The following CDK5RAP2 variants were observed in gnomAD, a reference collection of about 807,000 sequenced individuals.
CDK5RAP2 encodes the protein CDK5 regulatory subunit-associated protein 2.
A neutral mutation model predicts 232.9 loss-of-function variants in CDK5RAP2; 147 were observed. The observed-to-expected ratio is 0.63, with a 90% CI of 0.55 to 0.72. The LOEUF (loss-of-function observed/expected upper bound fraction) is 0.72. CDK5RAP2 is among the 30% of genes least tolerant of loss of function. The probability of loss-of-function intolerance (pLI) is 0.00; values close to 1 mark genes in which losing one functional copy is unlikely to be tolerated. For synonymous variants in CDK5RAP2, 833 were observed against 833.7 expected (o/e 1.00, Z 0.01); for missense variants, 2,195 against 2,231.5 (o/e 0.98, Z 0.33).
intron 14 of CDK5RAP2, among the ~76,000 whole-genome samples, chr9:120,479,619 A>G (rs1404630597): frequency 1.3e-5 from 2 of 152,240 alleles, no homozygotes; most frequent in African/African-American, 4.8e-5. Flanking sequence ...AATCAGCAAG[A>G]AAACACCAGA....
intron 19 of CDK5RAP2, among the ~76,000 whole-genome samples, chr9:120,459,951 T>C (rs2036989865): frequency 1.3e-5 from 2 of 152,318 alleles, no homozygotes; most frequent in South Asian, 2.1e-4. Context: ...CTCCTACTTA[T>C]TTTATGAATT....
chr9:120,512,041 A>G (rs2040117856), intron 12 of CDK5RAP2, among the ~76,000 whole-genome samples: 1 of 152,022 alleles, frequency 6.6e-6, no homozygotes, highest in Admixed American at 6.5e-5. Flanking sequence ...CCCGGCCACA[A>G]TGTGCATTTT....
chr9:120,469,806 G>C (rs914478578), intron 17 of CDK5RAP2, among the ~76,000 whole-genome samples: 8 of 152,138 alleles, frequency 5.3e-5, no homozygotes, highest in Non-Finnish European at 1.2e-4. Context: ...ACATCGATTT[G>C]GATTAGGTAC....
chr9:120,538,409 G>C (rs1476991725), intron 6 of CDK5RAP2, among the ~76,000 whole-genome samples: 2 of 152,122 alleles, frequency 1.3e-5, no homozygotes, highest in Non-Finnish European at 2.9e-5. Context: ...AAGGAGACAG[G>C]ATTTTTTAGC....
At chr9:120,500,860 T>C (rs1430712327) in intron 12 of CDK5RAP2, among the ~76,000 whole-genome samples, 1 of 152,186 alleles carries the variant, frequency 6.6e-6, no homozygotes, top group African/African-American at 2.4e-5. Context: ...GGCCGGTGAC[T>C]GCTCAGAAAC....
chr9:120,408,029 G>A (rs1361142572), intron 31 of CDK5RAP2: 1 of 387,782 alleles, frequency 2.6e-6, no homozygotes, highest in African/African-American at 2.0e-5. Flanking sequence ...CCACACAACA[G>A]GTGCTGAGAG....
At chr9:120,446,695 C>G (rs2036211874) in intron 22 of CDK5RAP2, among the ~76,000 whole-genome samples, 1 of 152,204 alleles carries the variant, frequency 6.6e-6, no homozygotes, top group South Asian at 2.1e-4. Context: ...CTCTTCCTCA[C>G]TCCACTCCAG....
At chr9:120,519,479 A>G (rs2040522469) in intron 11 of CDK5RAP2, among the ~76,000 whole-genome samples, 1 of 152,244 alleles carries the variant, frequency 6.6e-6, no homozygotes, top group South Asian at 2.1e-4. Context: ...AGATTCGGGT[A>G]TATGAAGACA....
intron 3 of CDK5RAP2, among the ~76,000 whole-genome samples, chr9:120,567,208 T>C (rs2042679960): frequency 6.6e-6 from 1 of 152,256 alleles, no homozygotes; most frequent in African/African-American, 2.4e-5. Context: ...TAGATCGAGT[T>C]GTACAGCTGA....
At chr9:120,456,843 TATA>T (rs1279096772) in intron 20 of CDK5RAP2, among the ~76,000 whole-genome samples, 27 of 152,308 alleles carry the variant, frequency 1.8e-4, no homozygotes, top group South Asian at 1.2e-3. Flanking sequence ...AAGAGGCCAT[TATA>T]ATATACTAAA....
chr9:120,499,388 G>T lies in CDK5RAP2; in HGVS notation c.1312-7911C>A, dbSNP rs748690890. On this transcript the variant is annotated intron_variant, in intron 12 of 37. Transcript: ENST00000349780. ...TTTGAATTTTCCATAATGAGCAGGG[G>T]TTTTTTTTTTAAAGGTACTTATTAG... Among the ~76,000 whole-genome samples the T allele has an allele frequency of 1.1e-4, 16 of 148,250 alleles. No homozygotes were observed. In the East Asian group the frequency reaches 1.4e-3, roughly 13 times the overall value.
At chr9:120,516,950 T>C (rs1308904191) in intron 12 of CDK5RAP2, among the ~76,000 whole-genome samples, 1 of 152,234 alleles carries the variant, frequency 6.6e-6, no homozygotes, top group African/African-American at 2.4e-5. Flanking sequence ...CATTGTGTCA[T>C]TATTTAAATA....
intron 14 of CDK5RAP2, among the ~76,000 whole-genome samples, chr9:120,482,111 A>G (rs1422806827): frequency 6.6e-6 from 1 of 152,212 alleles, no homozygotes; most frequent in Non-Finnish European, 1.5e-5. Context: ...AGTAACTGCT[A>G]CAGTCAGAAT....
chr9:120,577,119 T>C (rs1350753531), intron 1 of CDK5RAP2, among the ~76,000 whole-genome samples: 1 of 152,086 alleles, frequency 6.6e-6, no homozygotes, highest in East Asian at 1.9e-4. Context: ...CCCAGCACTC[T>C]GGGAGGCCGA....
intron 23 of CDK5RAP2, 140 bp downstream of exon 23, chr9:120,443,480 A>G: frequency 9.8e-7 from 1 of 1,023,916 alleles, no homozygotes; most frequent in South Asian, 1.3e-5. Flanking sequence ...TTAAAACCTC[A>G]GCTTCCCATG....
At position 120,408,468 on chromosome 9, in the gene CDK5RAP2, C is replaced by T. The variant is rs761557621; in HGVS notation, c.4605G>A (p.Arg1535=). The T allele has an allele frequency of 3.1e-6, 5 of 1,614,100 alleles. No individual in the cohort carries two copies. Among genetic ancestry groups the T allele is most frequent in the Non-Finnish European group, 4.2e-6 (5 of 1,179,992 alleles). ...GCCTCAACTTCACCTCCTCCTGCAC[C>T]CTGAGAAGGCCCCACAGGCATGAGA... ...EVRCSGQELS[R]VQEEVKLRQQ... is the part of the protein sequence containing the mutation. Residue 1535 remains arginine (R), a splice_region_variant and synonymous_variant, in exon 31 of 38, where the codon AGG becomes AGA. Transcript: ENST00000349780.
intron 3 of CDK5RAP2, among the ~76,000 whole-genome samples, chr9:120,552,901 G>C (rs2042097441): frequency 2.0e-5 from 3 of 151,344 alleles, no homozygotes; most frequent in Admixed American, 2.0e-4. Flanking sequence ...AATGAGTAGA[G>C]ACAGGAAAAA....
At chr9:120,550,743 G>T in intron 4 of CDK5RAP2, 49 bp downstream of exon 4, 1 of 1,026,384 alleles carries the variant, frequency 9.7e-7, no homozygotes, top group Non-Finnish European at 1.6e-6. Flanking sequence ...TGCTTGAAAT[G>T]ACAATGAGAA....
chr9:120,468,337 C>T lies in CDK5RAP2; in HGVS notation c.1969-340G>A, dbSNP rs777977502. ...TAAAGTCCCTGGCACGGTCTAAGTGCTCAGTCAATGACAGCTAATACTATC... is the reference window on the plus strand; with the variant it reads ...TAAAGTCCCTGGCACGGTCTAAGTGTTCAGTCAATGACAGCTAATACTATC... On this transcript the variant is annotated intron_variant, in intron 17 of 37. Transcript: ENST00000349780. Among the ~76,000 whole-genome samples the T allele has an allele frequency of 5.0e-4, 76 of 152,206 alleles. 1 individual carries two copies. Among genetic ancestry groups the T allele is most frequent in the Non-Finnish European group, 1.3e-4 (9 of 68,042 alleles).
Sources: allele counts gnomAD v4.1 joint callset (sites outside exome capture counted in the v4.1 genomes callset), GRCh38; gene constraint gnomAD v4.1.1; transcripts MANE v1.5; gene names NCBI Gene and HGNC (gene_info 2026-07-23, HGNC 2026-07-21).